Variants in BAZ2B observed in about 807,000 individuals in gnomAD.
BAZ2B encodes bromodomain adjacent to zinc finger domain protein 2B.
BAZ2B carries 91 observed loss-of-function variants against 246.0 expected under a neutral mutation model. The ratio of observed to expected loss-of-function variants is 0.37; its 90% CI spans 0.31 to 0.44. BAZ2B has a LOEUF of 0.44. Among genes scored for constraint, BAZ2B ranks in the 20% least tolerant of loss-of-function variants. The probability of loss-of-function intolerance (pLI) is 1.00; values close to 1 mark genes in which losing one functional copy is unlikely to be tolerated. For synonymous variants in BAZ2B, 855 were observed against 860.0 expected (o/e 0.99, Z 0.10); for missense variants, 2,332 against 2,533.7 (o/e 0.92, Z 1.71).
Position 159,448,380 on chromosome 2 carries a change from G to A in BAZ2B, c.364C>T (p.His122Tyr). The change falls in exon 5 of 37, where the codon CAT becomes TAT. Residue 122 changes from histidine (H) to tyrosine (Y), a missense_variant. Physicochemically the swap from His to Tyr is moderately conservative, Grantham distance 83. This residue lies in a region of BAZ2B where 242 missense variants were observed against 237.4 expected (regional missense o/e 1.02). Coordinates refer to ENST00000392783, the MANE Select transcript of BAZ2B (RefSeq NM_013450.4). Reference protein sequence around the residue: ...GAEWWRTTDAHTRTGATFFPP... With the variant: ...GAEWWRTTDAYTRTGATFFPP... ...AAGAAGGTTGCTCCTGTACGAGTAT[G>A]AGCATCAGTTGTTCGCCACCATTCT... 1 of 1,598,986 alleles carries A rather than the reference G, an allele frequency of 6.3e-7. No individual in the cohort carries two copies. The highest frequency in any genetic ancestry group is 8.5e-7 in the Non-Finnish European group (1 of 1,175,972).
intron 2 of BAZ2B, among the ~76,000 whole-genome samples, chr2:159,538,164 T>G (rs1367431334): frequency 6.6e-6 from 1 of 152,116 alleles, no homozygotes; most frequent in African/African-American, 2.4e-5. Flanking sequence ...GTCTGGCTAA[T>G]TTTTGTATTT....
At chr2:159,570,117 T>C (rs1034772520) in intron 1 of BAZ2B, among the ~76,000 whole-genome samples, 1 of 152,180 alleles carries the variant, frequency 6.6e-6, no homozygotes, top group Non-Finnish European at 1.5e-5. Context: ...ACTTAAAACT[T>C]AGAATGTTCT....
chr2:159,613,302 C>T (rs1441733141), intron 1 of BAZ2B, among the ~76,000 whole-genome samples: 1 of 151,948 alleles, frequency 6.6e-6, no homozygotes, highest in Non-Finnish European at 1.5e-5. Context: ...AATGGTACTA[C>T]AATTCGGCAC....
chr2:159,318,507 C>T (rs905698852), downstream of BAZ2B, among the ~76,000 whole-genome samples: 1 of 152,222 alleles, frequency 6.6e-6, no homozygotes, highest in African/African-American at 2.4e-5. Context: ...AGGCCCACTT[C>T]AAGGGGCTAT....
intron 3 of BAZ2B, chr2:159,463,451 C>A (rs1167671213): frequency 5.6e-6 from 1 of 179,010 alleles, no homozygotes; most frequent in Non-Finnish European, 1.2e-5. Flanking sequence ...TTTTGAGGAA[C>A]CTCCATACTA....
intron 2 of BAZ2B, among the ~76,000 whole-genome samples, chr2:159,483,714 G>A (rs935218741): frequency 1.3e-5 from 2 of 152,090 alleles, no homozygotes; most frequent in African/African-American, 4.8e-5. Flanking sequence ...TCAAGAGGTG[G>A]ATATTGCAGT....
chr2:159,604,407 T>C (rs548879114), intron 1 of BAZ2B, among the ~76,000 whole-genome samples: 1 of 152,298 alleles, frequency 6.6e-6, no homozygotes, highest in South Asian at 2.1e-4. Flanking sequence ...CATGCCCAGC[T>C]ATTTTTAATT....
intron 1 of BAZ2B, among the ~76,000 whole-genome samples, chr2:159,612,092 T>A (rs1421289121): frequency 2.0e-5 from 3 of 151,982 alleles, no homozygotes; most frequent in Admixed American, 6.6e-5. Context: ...TTTCATTTTT[T>A]AAAAATCATT....
Position 159,349,127 on chromosome 2 carries a change from C to T in BAZ2B, c.5017G>A (p.Val1673Ile). The T allele has an allele frequency of 6.2e-7, 1 of 1,614,050 alleles. No homozygotes were observed. Among genetic ancestry groups the T allele is most frequent in the Non-Finnish European group, 8.5e-7 (1 of 1,179,974 alleles). The change falls in exon 29 of 37, where the codon GTT (valine) becomes ATT (isoleucine). Residue 1673 changes from valine (V) to isoleucine (I), a missense_variant. Val to Ile is a conservative substitution (Grantham distance 29, BLOSUM62 3). Coordinates refer to ENST00000392783, the MANE Select transcript of BAZ2B (RefSeq NM_013450.4). ...GNGNSFLTSN[V>I]ASSKSESPVP... ...GGAGATTCACTTTTACTTGAAGCAA[C>T]ATTGGAAGTCAAGAATGAATTACCA... is the stretch of plus-strand genomic sequence containing the variant.
chr2:159,428,707 C>T (rs746174147), intron 11 of BAZ2B, among the ~76,000 whole-genome samples: 14 of 152,040 alleles, frequency 9.2e-5, no homozygotes, highest in Non-Finnish European at 1.8e-4. Flanking sequence ...TTAATGTGTA[C>T]TGATTTTTTA....
chr2:159,691,179 A>C, the BAZ2B span, among the ~76,000 whole-genome samples: 1 of 152,278 alleles, frequency 6.6e-6, no homozygotes, highest in East Asian at 1.9e-4. Flanking sequence ...TATATGATTT[A>C]TCTCTATATT....
At chr2:159,452,563 A>T (rs796608946) in intron 4 of BAZ2B, among the ~76,000 whole-genome samples, 3 of 152,222 alleles carry the variant, frequency 2.0e-5, no homozygotes, top group African/African-American at 7.2e-5. Context: ...TAACGTTTTA[A>T]ATTATCTTAC....
chr2:159,401,831 G>A (rs1016563457), intron 16 of BAZ2B, among the ~76,000 whole-genome samples: 2 of 152,104 alleles, frequency 1.3e-5, no homozygotes, highest in African/African-American at 4.8e-5. Flanking sequence ...TGGCACTGAT[G>A]AGAATAAATA....
At chr2:159,461,159 T>C (rs2076361413) in intron 3 of BAZ2B, 2 of 152,376 alleles carry the variant, frequency 1.3e-5, no homozygotes, top group South Asian at 4.1e-4. Flanking sequence ...TATGTGGAGA[T>C]AGGCAGGAAG....
At chr2:159,618,099 A>G (rs1190429274), upstream of BAZ2B, among the ~76,000 whole-genome samples, 1 of 152,196 alleles carries the variant, frequency 6.6e-6, no homozygotes, top group Non-Finnish European at 1.5e-5. Flanking sequence ...AAGCTGTGCT[A>G]GCACTTATTG....
intron 1 of BAZ2B, among the ~76,000 whole-genome samples, chr2:159,613,045 T>C (rs1439220510): frequency 2.1e-5 from 3 of 140,924 alleles, no homozygotes; most frequent in African/African-American, 8.1e-5. Flanking sequence ...TAAATATAAT[T>C]ACTCAGAGAC....
chr2:159,572,076 C>T (rs11693108), intron 1 of BAZ2B, among the ~76,000 whole-genome samples: 83,899 of 151,888 alleles, frequency 0.55, 23,932 homozygotes, highest in East Asian at 0.74. Flanking sequence ...CACTAAATTA[C>T]GGGATTTGTA....
At chr2:159,412,229 T>C in intron 14 of BAZ2B, 106 bp downstream of exon 14, 2 of 1,182,204 alleles carry the variant, frequency 1.7e-6, no homozygotes. Flanking sequence ...AACTATTTAC[T>C]TTTTAAAAAT....
intron 1 of BAZ2B, among the ~76,000 whole-genome samples, chr2:159,578,494 A>T (rs1418591666): frequency 2.0e-5 from 3 of 152,176 alleles, no homozygotes; most frequent in Non-Finnish European, 4.4e-5. Flanking sequence ...TGATTTAAAA[A>T]TGCTTACATT....
Sources: gnomAD v4.1 joint callset for allele counts (sites outside exome capture counted in the v4.1 genomes callset) on GRCh38, gnomAD v4.1.1 for gene constraint, gnomAD v4.1.1 regional missense constraint, MANE v1.5 for transcripts, NCBI Gene and HGNC (gene_info 2026-07-23, HGNC 2026-07-21) for gene names.